ZNF280B: variants seen among roughly 807,000 people sequenced by gnomAD.
ZNF280B encodes the protein zinc finger protein 280B.
In ZNF280B, 16 loss-of-function variants were observed where a neutral mutation model predicts 38.0. The observed-to-expected ratio is 0.42, with a 90% CI of 0.28 to 0.64. ZNF280B has a LOEUF of 0.64. Among genes scored for constraint, ZNF280B ranks in the 30% least tolerant of loss-of-function variants. The pLI, the probability that ZNF280B is intolerant of heterozygous loss-of-function variation, is 0.21. For missense variants in ZNF280B, 581 were observed against 639.6 expected, an observed-to-expected ratio of 0.91 and a Z score of 0.99; for synonymous variants, 253 against 230.6, an observed-to-expected ratio of 1.10 and a Z score of -0.88.
At position 22,489,340 on chromosome 22, in the gene ZNF280B, G is replaced by C; in HGVS notation, c.59C>G (p.Thr20Ser). Residue 20 changes from threonine to serine, a missense_variant, in exon 4 of 4, where the codon ACC becomes AGC. By Grantham distance (58) the Thr-to-Ser change is moderately conservative. Transcript: ENST00000626650. ...EPEPQKNIQE[T>S]KQVDDEDAEL... Reference sequence around the variant, plus strand: ...AGCATCTTCGTCATCTACTTGTTTGGTTTCTTGTATGTTCTTCTGTGGTTC... The same window carrying C: ...AGCATCTTCGTCATCTACTTGTTTGCTTTCTTGTATGTTCTTCTGTGGTTC... 1 of 1,613,412 alleles carries C rather than the reference G, an allele frequency of 6.2e-7. No individual in the cohort carries two copies. The highest frequency in any genetic ancestry group is 2.2e-5 in the East Asian group (1 of 44,786).
rs1555945065 is a variant in ZNF280B, at chr22:22,501,035, A to AAAC, written c.-187+6774_-187+6775insGTT. ...ACTCCGTCTCAAAAAAAAAAAAAAA[A>AAAC]AAAAAACAAAAAACCAAAAAAACAA... On this transcript the variant is annotated intron_variant, in intron 2 of 3. Coordinates refer to ENST00000626650, the MANE Select transcript of ZNF280B (RefSeq NM_080764.4). 3.6e-5 allele frequency among the ~76,000 whole-genome samples: 5 copies of AAAC among 140,374 alleles called. No homozygotes were observed. The South Asian group carries it at 9.1e-4, about 26-fold the overall frequency. 92.1% of individuals were successfully genotyped at this position (140,374 alleles called of 152,430 possible).
In ZNF280B at chr22:22,488,865, G is replaced by T. The variant is rs140445347; in HGVS notation, c.534C>A (p.Phe178Leu). 1.9e-6 allele frequency: 3 copies of T among 1,613,636 alleles called. No homozygotes were observed. Among genetic ancestry groups the T allele is most frequent in the Non-Finnish European group, 1.7e-6 (2 of 1,179,956 alleles). ...SPRVSKQLST[F>L]EVNSINPKRA... ...TTTTGGGATTTATGCTGTTTACTTC[G>T]AAAGTGGAAAGTTGCTTTGATACAC... is the stretch of plus-strand genomic sequence containing the variant. The change falls in exon 4 of 4, where the codon TTC becomes TTA. Residue 178 changes from phenylalanine to leucine, a missense_variant. Physicochemically the swap from Phe to Leu is conservative, Grantham distance 22. Coordinates refer to ENST00000626650, the MANE Select transcript of ZNF280B (RefSeq NM_080764.4).
intron 2 of ZNF280B, among the ~76,000 whole-genome samples, chr22:22,494,759 T>C (rs754800030): frequency 3.6e-4 from 54 of 151,826 alleles, no homozygotes; most frequent in Non-Finnish European, 6.0e-4. Context: ...TTTTTTGAGA[T>C]GGAGTCTTGC....
chr22:22,485,226 A>G lies in ZNF280B; in HGVS notation c.*2541T>C, dbSNP rs1336289319. 2.0e-5 allele frequency: 3 copies of G among 152,000 alleles called. No homozygotes were observed. The highest frequency in any genetic ancestry group is 7.2e-5 in the African/African-American group (3 of 41,384). 9.4% of individuals were successfully genotyped at this position (152,000 alleles called of 1,614,324 possible). On this transcript the variant is annotated 3_prime_UTR_variant, in exon 4 of 4. Transcript: ENST00000626650. Reference sequence around the variant, plus strand: ...ATGCTTTAATGAGACTGCAAACAACAGTGTTGATAATACCAACCAATCACT... The same window carrying G: ...ATGCTTTAATGAGACTGCAAACAACGGTGTTGATAATACCAACCAATCACT...
intron 2 of ZNF280B, among the ~76,000 whole-genome samples, chr22:22,507,028 T>C (rs1345679866): frequency 1.3e-5 from 2 of 151,896 alleles, no homozygotes; most frequent in Non-Finnish European, 2.9e-5. Flanking sequence ...CCCTTCATCT[T>C]GGGTACAAGG....
chr22:22,492,835 A>C (rs1191536411), intron 3 of ZNF280B, among the ~76,000 whole-genome samples: 1 of 151,268 alleles, frequency 6.6e-6, no homozygotes, highest in African/African-American at 2.4e-5. Context: ...GCAGTAAGCC[A>C]AGACCACGTC....
chr22:22,500,181 C>T (rs1407509355), intron 2 of ZNF280B, among the ~76,000 whole-genome samples: 1 of 151,798 alleles, frequency 6.6e-6, no homozygotes, highest in Admixed American at 6.6e-5. Flanking sequence ...ACAGAAATGC[C>T]TCATAAAATT....
intron 2 of ZNF280B, among the ~76,000 whole-genome samples, chr22:22,496,505 T>C (rs957399167): frequency 9.2e-5 from 14 of 151,966 alleles, no homozygotes; most frequent in African/African-American, 3.4e-4. Flanking sequence ...TTGTTTTATT[T>C]AGTTGCCCTG....
intron 2 of ZNF280B, among the ~76,000 whole-genome samples, chr22:22,499,035 G>A (rs1420586919): frequency 1.3e-5 from 2 of 151,506 alleles, no homozygotes; most frequent in Admixed American, 6.6e-5. Context: ...TCCTGACCTC[G>A]TGATCCGCTC....
intron 2 of ZNF280B, among the ~76,000 whole-genome samples, chr22:22,499,314 G>A (rs1264806037): frequency 6.6e-6 from 1 of 151,336 alleles, no homozygotes; most frequent in Non-Finnish European, 1.5e-5. Context: ...GCCCAGGCTG[G>A]AGTGAAATGG....
At chr22:22,502,150 C>T (rs181614834) in intron 2 of ZNF280B, among the ~76,000 whole-genome samples, 6 of 151,698 alleles carry the variant, frequency 4.0e-5, no homozygotes, top group African/African-American at 7.3e-5. Flanking sequence ...AAAAAATGGG[C>T]GAAGGATTTG....
At chr22:22,492,650 G>A (rs979949221) in intron 3 of ZNF280B, among the ~76,000 whole-genome samples, 1 of 151,896 alleles carries the variant, frequency 6.6e-6, no homozygotes, top group African/African-American at 2.4e-5. Context: ...ACTTTGGGAG[G>A]CCAAGGCAGT....
intron 2 of ZNF280B, among the ~76,000 whole-genome samples, chr22:22,500,343 C>A (rs2146829350): frequency 6.6e-6 from 1 of 150,386 alleles, no homozygotes; most frequent in Non-Finnish European, 1.5e-5. Context: ...AAATGTCTAC[C>A]CAAAAATGAA....
At chr22:22,489,488 T>A in intron 3 of ZNF280B, 22 bp from the exon 4 acceptor site, 1 of 1,157,042 alleles carries the variant, frequency 8.6e-7, no homozygotes. Flanking sequence ...CATACATCAG[T>A]AAGTACAGGA....
At chr22:22,503,704 C>A (rs1301358793) in intron 2 of ZNF280B, among the ~76,000 whole-genome samples, 1 of 151,878 alleles carries the variant, frequency 6.6e-6, no homozygotes, top group African/African-American at 2.4e-5. Flanking sequence ...GCTGGTATGA[C>A]CAAGACAGTT....
chr22:22,489,466 C>A lies in ZNF280B; in HGVS notation c.-68G>T. 1 of 1,372,082 alleles carries A rather than the reference C, an allele frequency of 7.3e-7. No individual in the cohort carries two copies. Among genetic ancestry groups the A allele is most frequent in the South Asian group, 1.4e-5 (1 of 70,744 alleles). The allele number at this position is 1,372,082 out of a possible 1,614,324, so 85.0% of individuals were successfully genotyped here. On this transcript the variant is annotated splice_region_variant and 5_prime_UTR_variant, in exon 4 of 4. Coordinates refer to ENST00000626650, the MANE Select transcript of ZNF280B (RefSeq NM_080764.4). Reference sequence around the variant, plus strand: ...AATGCTTCCTTTATATAAACTGCCACCTAAGTACAAACATACATCAGTAAG... The same window carrying A: ...AATGCTTCCTTTATATAAACTGCCAACTAAGTACAAACATACATCAGTAAG...
At chr22:22,491,977 T>A (rs1483081101) in intron 3 of ZNF280B, among the ~76,000 whole-genome samples, 16 of 152,098 alleles carry the variant, frequency 1.1e-4, no homozygotes, top group Admixed American at 1.0e-3. Context: ...ATCCAAAGCA[T>A]AAAAATTAAA....
rs1470022471 is a variant in ZNF280B at position 22,505,079 on chromosome 22, T to C, written c.-187+2731A>G. 2.6e-5 allele frequency among the ~76,000 whole-genome samples: 4 copies of C among 152,078 alleles called. No homozygotes were observed. The East Asian group carries it at 5.9e-4, about 22-fold the overall frequency. On this transcript the variant is annotated intron_variant, in intron 2 of 3. Transcript: ENST00000626650. ...GATACTCACATAACATGAATATGGC[T>C]ATCTGGGGAAGAATACTCCAACAAA... is the stretch of plus-strand genomic sequence containing the variant.
chr22:22,505,395 G>A (rs4820452), intron 2 of ZNF280B, among the ~76,000 whole-genome samples: 17,807 of 151,360 alleles, frequency 0.12, 1,242 homozygotes, highest in South Asian at 0.27. Flanking sequence ...GTGAAACCCC[G>A]TCTCTACTAA....
Sources: gnomAD v4.1 joint callset for allele counts (sites outside exome capture counted in the v4.1 genomes callset) on GRCh38, gnomAD v4.1.1 for gene constraint, MANE v1.5 for transcripts, NCBI Gene and HGNC (gene_info 2026-07-23, HGNC 2026-07-21) for gene names.